Variants in EFNA5 observed in about 807,000 individuals in gnomAD.
EFNA5 encodes ephrin-A5.
Under a neutral mutation model 22.9 loss-of-function variants are expected in EFNA5, and 5 were observed. That is an observed-to-expected ratio of 0.22 (90% CI 0.11 to 0.46). EFNA5 has a LOEUF of 0.46. Among genes scored for constraint, EFNA5 ranks in the 20% least tolerant of loss-of-function variants. EFNA5 has a pLI of 0.99. For missense variants in EFNA5, 237 were observed against 293.3 expected, an observed-to-expected ratio of 0.81 and a Z score of 1.40; for synonymous variants, 113 against 112.2, an observed-to-expected ratio of 1.01 and a Z score of -0.04.
At chr5:107,523,875 C>T (rs1316011222) in intron 1 of EFNA5, among the ~76,000 whole-genome samples, 1 of 152,176 alleles carries the variant, frequency 6.6e-6, no homozygotes, top group African/African-American at 2.4e-5. Context: ...TTGCAATTAA[C>T]AATAGGAGAT....
chr5:107,666,900 T>C (rs1751089187), intron 1 of EFNA5, among the ~76,000 whole-genome samples: 1 of 152,150 alleles, frequency 6.6e-6, no homozygotes, highest in Admixed American at 6.5e-5. Context: ...TGACTCTCTT[T>C]ATAAGCATAG....
intron 1 of EFNA5, among the ~76,000 whole-genome samples, chr5:107,490,197 A>G (rs1232647517): frequency 6.6e-6 from 1 of 152,178 alleles, no homozygotes; most frequent in Admixed American, 6.5e-5. Context: ...CTGTCTCACT[A>G]GACTCAGAGA....
intron 1 of EFNA5, among the ~76,000 whole-genome samples, chr5:107,510,417 T>A (rs531267380): frequency 6.6e-6 from 1 of 152,184 alleles, no homozygotes; most frequent in Non-Finnish European, 1.5e-5. Flanking sequence ...GTATCCTTAG[T>A]CTAGCACCTC....
intron 1 of EFNA5, among the ~76,000 whole-genome samples, chr5:107,436,084 T>C (rs923352809): frequency 6.6e-6 from 1 of 152,240 alleles, no homozygotes; most frequent in East Asian, 1.9e-4. Context: ...AAAATTCACA[T>C]AGCTTTTGCC....
chr5:107,484,692 T>C (rs1313913741), intron 1 of EFNA5, among the ~76,000 whole-genome samples: 1 of 152,076 alleles, frequency 6.6e-6, no homozygotes, highest in Non-Finnish European at 1.5e-5. Flanking sequence ...ATTAATTAAA[T>C]AGGATGGTGG....
chr5:107,509,732 T>C (rs993460255), intron 1 of EFNA5, among the ~76,000 whole-genome samples: 7 of 152,164 alleles, frequency 4.6e-5, no homozygotes, highest in African/African-American at 1.4e-4. Context: ...GAATACGGCC[T>C]TCACGAGGGC....
At chr5:107,385,433 T>C (rs1306527109) in intron 4 of EFNA5, among the ~76,000 whole-genome samples, 5 of 152,190 alleles carry the variant, frequency 3.3e-5, no homozygotes, top group African/African-American at 1.2e-4. Flanking sequence ...TTCTGCACAA[T>C]GTGTATCAAG....
At chr5:107,669,078 C>T (rs968675953) in intron 1 of EFNA5, among the ~76,000 whole-genome samples, 1 of 152,098 alleles carries the variant, frequency 6.6e-6, no homozygotes, top group Admixed American at 6.5e-5. Context: ...CTGTAACCGG[C>T]GGACTGCTTG....
intron 1 of EFNA5, among the ~76,000 whole-genome samples, chr5:107,613,683 A>G (rs890478289): frequency 3.9e-5 from 6 of 152,128 alleles, no homozygotes; most frequent in African/African-American, 1.2e-4. Flanking sequence ...CCAATAAGAG[A>G]TTCCTGAATC....
At chr5:107,485,119 G>T (rs1273649499) in intron 1 of EFNA5, among the ~76,000 whole-genome samples, 1 of 151,846 alleles carries the variant, frequency 6.6e-6, no homozygotes, top group African/African-American at 2.4e-5. Context: ...CTAAGAGGAG[G>T]GTTTGAATTC....
intron 1 of EFNA5, among the ~76,000 whole-genome samples, chr5:107,606,808 C>CAGA (rs1749734744): frequency 1.3e-5 from 2 of 152,122 alleles, no homozygotes; most frequent in Admixed American, 6.5e-5. Flanking sequence ...CTCTGATATC[C>CAGA]TTTAAATACA....
At chr5:107,491,354 C>G (rs1037537356) in intron 1 of EFNA5, among the ~76,000 whole-genome samples, 28 of 152,352 alleles carry the variant, frequency 1.8e-4, no homozygotes, top group African/African-American at 6.5e-4. Context: ...TCTTGTTGCC[C>G]AGGCTGAAGT....
chr5:107,409,740 A>G (rs2112400017), intron 2 of EFNA5, among the ~76,000 whole-genome samples: 1 of 152,354 alleles, frequency 6.6e-6, no homozygotes, highest in South Asian at 2.1e-4. Flanking sequence ...AAAGTTCAAT[A>G]AAGACAGTTA....
At chr5:107,495,429 C>A (rs1176766651) in intron 1 of EFNA5, among the ~76,000 whole-genome samples, 1 of 152,240 alleles carries the variant, frequency 6.6e-6, no homozygotes, top group African/African-American at 2.4e-5. Flanking sequence ...TCCAGACGCG[C>A]CACCTTAAGA....
intron 1 of EFNA5, among the ~76,000 whole-genome samples, chr5:107,507,917 G>A (rs1747285456): frequency 6.6e-6 from 1 of 152,196 alleles, no homozygotes; most frequent in South Asian, 2.1e-4. Flanking sequence ...AATGAGCAAA[G>A]ATTAACCAGC....
At chr5:107,484,792 G>C (rs1363810023) in intron 1 of EFNA5, among the ~76,000 whole-genome samples, 1 of 142,946 alleles carries the variant, frequency 7.0e-6, no homozygotes, top group Non-Finnish European at 1.5e-5. Context: ...TGATAGTTAT[G>C]ATTTTGTATT....
intron 1 of EFNA5, among the ~76,000 whole-genome samples, chr5:107,601,953 G>T (rs115111453): frequency 6.6e-6 from 1 of 152,212 alleles, no homozygotes; most frequent in East Asian, 1.9e-4. Context: ...AGCTTTCTAG[G>T]AACCAATTAT....
At chr5:107,432,630 T>A (rs1268140230) in intron 1 of EFNA5, among the ~76,000 whole-genome samples, 1 of 152,198 alleles carries the variant, frequency 6.6e-6, no homozygotes, top group Admixed American at 6.5e-5. Context: ...GAAAAGCAAT[T>A]GTGTTTGAGT....
chr5:107,522,232 A>G (rs531251727), intron 1 of EFNA5, among the ~76,000 whole-genome samples: 1 of 152,332 alleles, frequency 6.6e-6, no homozygotes, highest in East Asian at 1.9e-4. Flanking sequence ...TGCTACATGT[A>G]TTCTAAGGCA....
Sources: gnomAD v4.1 joint callset for allele counts (sites outside exome capture counted in the v4.1 genomes callset) on GRCh38, gnomAD v4.1.1 for gene constraint, MANE v1.5 for transcripts, NCBI Gene and HGNC (gene_info 2026-07-23, HGNC 2026-07-21) for gene names.